RPS6KA2: variants seen among roughly 807,000 people sequenced by gnomAD.
RPS6KA2 encodes the protein ribosomal protein S6 kinase A2, also known as ribosomal protein S6 kinase alpha-2.
A neutral mutation model predicts 91.8 loss-of-function variants in RPS6KA2; 42 were observed. The observed-to-expected ratio is 0.46, with a 90% confidence interval of 0.36 to 0.59. RPS6KA2 has a LOEUF of 0.59. RPS6KA2 is among the 20% of genes least tolerant of loss of function. The pLI, the probability that RPS6KA2 is intolerant of heterozygous loss-of-function variation, is 0.00. For synonymous variants in RPS6KA2, 414 were observed against 393.6 expected, an observed-to-expected ratio of 1.05 and a Z score of -0.61; for missense variants, 798 against 978.5, an observed-to-expected ratio of 0.82 and a Z score of 2.46.
At chr6:166,619,380 G>A (rs1311716383) in intron 1 of RPS6KA2, among the ~76,000 whole-genome samples, 4 of 152,216 alleles carry the variant, frequency 2.6e-5, no homozygotes, top group Non-Finnish European at 4.4e-5. Flanking sequence ...AAGTTGTTTT[G>A]TTTGTCTGTG....
At chr6:166,803,140 G>A (rs111841428) in intron 2 of RPS6KA2, among the ~76,000 whole-genome samples, 220 of 152,252 alleles carry the variant, frequency 1.4e-3, no homozygotes, top group Non-Finnish European at 2.6e-3. Context: ...CAGAGACTTA[G>A]AAATTATTCT....
chr6:166,715,785 C>A (rs1789992228), intron 2 of RPS6KA2, among the ~76,000 whole-genome samples: 2 of 152,158 alleles, frequency 1.3e-5, no homozygotes. Context: ...CGCCTGTAAT[C>A]CCAGCACTTT....
At chr6:166,734,189 A>C (rs1003261603) in intron 2 of RPS6KA2, among the ~76,000 whole-genome samples, 10 of 152,220 alleles carry the variant, frequency 6.6e-5, no homozygotes, top group Admixed American at 5.2e-4. Context: ...GCAGGAGCTT[A>C]GGATTCATGG....
At chr6:166,654,326 T>G (rs1787943822) in intron 2 of RPS6KA2, among the ~76,000 whole-genome samples, 1 of 152,132 alleles carries the variant, frequency 6.6e-6, no homozygotes. Flanking sequence ...CATCTAGTAA[T>G]GAACGTGAAA....
intron 2 of RPS6KA2, among the ~76,000 whole-genome samples, chr6:166,826,312 C>T (rs545063189): frequency 4.6e-5 from 7 of 152,192 alleles, no homozygotes; most frequent in Non-Finnish European, 1.0e-4. Context: ...CACACCTTAG[C>T]TGTTTTTAAA....
At chr6:166,831,122 T>A (rs1780173086) in intron 2 of RPS6KA2, among the ~76,000 whole-genome samples, 1 of 152,082 alleles carries the variant, frequency 6.6e-6, no homozygotes, top group Admixed American at 6.5e-5. Context: ...GAACCCCTGA[T>A]GGAAGAGGCG....
Position 166,538,758 on chromosome 6 carries a change from G to A in RPS6KA2, c.126C>T (p.Asp42=). The change falls in exon 2 of 21, where the codon GAC becomes GAT. Residue 42 remains aspartate, a synonymous_variant. Coordinates refer to ENST00000265678, the MANE Select transcript of RPS6KA2 (RefSeq NM_021135.6). The part of the protein sequence containing the change: ...LEEEGVVKEI[D]ISHHVKEGFE... ...AGCCCTCCTTCACATGATGGCTGAT[G>A]TCTATCTCCTTCACGACGCCTTCTT... 1 of 1,604,938 alleles carries A rather than the reference G, an allele frequency of 6.2e-7. No individual in the cohort carries two copies. The highest frequency in any genetic ancestry group is 8.5e-7 in the Non-Finnish European group (1 of 1,171,816).
intron 1 of RPS6KA2, among the ~76,000 whole-genome samples, chr6:166,582,843 T>C (rs1043082693): frequency 6.6e-5 from 10 of 152,348 alleles, no homozygotes; most frequent in Admixed American, 3.9e-4. Flanking sequence ...ACCTCTTGAA[T>C]AATAAAAGCT....
At chr6:166,824,210 G>A (rs771321928) in intron 2 of RPS6KA2, among the ~76,000 whole-genome samples, 2 of 152,168 alleles carry the variant, frequency 1.3e-5, no homozygotes, top group Admixed American at 1.3e-4. Context: ...GTATAAGGAC[G>A]TCATAGCAAA....
At position 166,437,383 on chromosome 6, in the gene RPS6KA2, C is replaced by T. The variant is rs554400241; in HGVS notation, c.1333-4893G>A. The stretch of plus-strand genomic sequence containing the variant: ...CAACAAAACAGGGAGGCCTTCTCAG[C>T]AAGCGTGGTGATGAACAAGGCCTCC... On this transcript the variant is annotated intron_variant, in intron 14 of 20. Transcript: ENST00000265678. The surrounding 1 kb of genome is among the most constrained non-coding windows in gnomAD (Gnocchi z 4.3). 6.6e-6 allele frequency among the ~76,000 whole-genome samples: 1 copy of T among 152,348 alleles called. No homozygotes were observed. The highest frequency in any genetic ancestry group is 2.4e-5 in the African/African-American group (1 of 41,578).
chr6:166,541,067 C>T (rs555404917), intron 1 of RPS6KA2, among the ~76,000 whole-genome samples: 7 of 152,224 alleles, frequency 4.6e-5, no homozygotes, highest in Admixed American at 6.5e-5. Flanking sequence ...AGGACTAGCA[C>T]GCGCATGAGT....
At chr6:166,553,767 A>C (rs568818922) in intron 1 of RPS6KA2, among the ~76,000 whole-genome samples, 2 of 152,232 alleles carry the variant, frequency 1.3e-5, no homozygotes, top group Admixed American at 6.5e-5. Flanking sequence ...TAATTTCTGC[A>C]CCCATTACAA....
Position 166,852,181 on chromosome 6 carries a change from A to C in RPS6KA2, c.123+6019T>G, listed in dbSNP as rs960846151. On this transcript the variant is annotated intron_variant, in intron 2 of 21. Coordinates refer to the RPS6KA2 transcript ENST00000503859. The surrounding 1 kb of genome is among the most constrained non-coding windows in gnomAD (Gnocchi z 4.1). ...TTGTCTGCTGGACAGAGAAACAGTAAGAAATACAAATGCAAATAGACTGCC... is the reference window on the plus strand; with the variant it reads ...TTGTCTGCTGGACAGAGAAACAGTACGAAATACAAATGCAAATAGACTGCC... Among the ~76,000 whole-genome samples, 3 of 152,244 alleles carry C rather than the reference A, an allele frequency of 2.0e-5. No individual in the cohort carries two copies. The highest frequency in any genetic ancestry group is 4.4e-5 in the Non-Finnish European group (3 of 68,044).
rs1195222880 is a variant in RPS6KA2 at position 166,586,448 on chromosome 6, A to C, written c.99+40473T>G. ...ATCTACTAGCAAACATCTCTTCAAA[A>C]TTTGGAACAGCTTCGGCAGTGTCAG... On this transcript the variant is annotated intron_variant, in intron 1 of 20. Coordinates refer to ENST00000265678, the MANE Select transcript of RPS6KA2 (RefSeq NM_021135.6). 7 of 1,599,324 alleles carry C rather than the reference A, an allele frequency of 4.4e-6. No individual in the cohort carries two copies. The South Asian group carries it at 6.6e-5, about 15-fold the overall frequency.
In RPS6KA2 at chr6:166,559,986, A is replaced by C. The variant is rs3799622; in HGVS notation, c.100-21202T>G. 9.8e-5 allele frequency among the ~76,000 whole-genome samples: 15 copies of C among 152,354 alleles called. No individual in the cohort carries two copies. The East Asian group carries it at 2.5e-3, about 25-fold the overall frequency. ...AAGAAGAAACCAGGAAAACATACAC[A>C]TGTGAACTTACAAAGATGCAAACCG... On this transcript the variant is annotated intron_variant, in intron 1 of 20. Transcript: ENST00000265678.
intron 2 of RPS6KA2, among the ~76,000 whole-genome samples, chr6:166,740,537 GTTC>G (rs1309868708): frequency 2.0e-5 from 3 of 152,156 alleles, no homozygotes; most frequent in Non-Finnish European, 4.4e-5. Context: ...CAGTCTTTAT[GTTC>G]TTAAGTGGGA....
intron 2 of RPS6KA2, among the ~76,000 whole-genome samples, chr6:166,755,529 G>A (rs584241): frequency 0.018 from 2,690 of 152,152 alleles, 77 homozygotes; most frequent in African/African-American, 0.062. Flanking sequence ...CTGCCCTGCT[G>A]CGCTCCACTC....
intron 2 of RPS6KA2, among the ~76,000 whole-genome samples, chr6:166,730,456 A>T (rs913186203): frequency 2.0e-5 from 3 of 152,184 alleles, no homozygotes; most frequent in African/African-American, 7.2e-5. Flanking sequence ...TATTCTGATG[A>T]TTATATGAAA....
At chr6:166,783,048 GTATTATTAT>G (rs71686287) in intron 2 of RPS6KA2, among the ~76,000 whole-genome samples, 25,103 of 134,432 alleles carry the variant, frequency 0.19, 2,704 homozygotes, top group Non-Finnish European at 0.23. Flanking sequence ...TATCTTTTAG[GTATTATTAT>G]TATTATTATT....
Sources: gnomAD v4.1 joint callset for allele counts (sites outside exome capture counted in the v4.1 genomes callset) on GRCh38, gnomAD v4.1.1 for gene constraint, Gnocchi (gnomAD v3.1) non-coding constraint, MANE v1.5 for transcripts, NCBI Gene and HGNC (gene_info 2026-07-23, HGNC 2026-07-21) for gene names.